The following SHANK2 variants were observed in gnomAD, a reference collection of about 807,000 sequenced individuals.
SHANK2 encodes the protein SH3 and multiple ankyrin repeat domains protein 2.
In SHANK2, 43 loss-of-function variants were observed where a neutral mutation model predicts 133.7. The ratio of observed to expected loss-of-function variants is 0.32; its 90% CI spans 0.25 to 0.41. The LOEUF is 0.41. Among genes scored for constraint, SHANK2 ranks in the 10% least tolerant of loss-of-function variants. The pLI is 1.00. For synonymous variants in SHANK2, 1,017 were observed against 952.8 expected, an observed-to-expected ratio of 1.07 and a Z score of -1.24; for missense variants, 1,994 against 2,235.8, an observed-to-expected ratio of 0.89 and a Z score of 2.18.
At chr11:70,929,442 G>T (rs1301887170) in intron 10 of SHANK2, among the ~76,000 whole-genome samples, 1 of 152,208 alleles carries the variant, frequency 6.6e-6, no homozygotes, top group African/African-American at 2.4e-5. Context: ...CTGAAATAAA[G>T]GTGTGCTGTC....
At chr11:71,227,515 A>G (rs1270882094) in intron 1 of SHANK2, among the ~76,000 whole-genome samples, 1 of 152,174 alleles carries the variant, frequency 6.6e-6, no homozygotes, top group Non-Finnish European at 1.5e-5. Flanking sequence ...CCAAGAAGAC[A>G]TAGTTATTCT....
intron 17 of SHANK2, among the ~76,000 whole-genome samples, chr11:70,551,131 A>G (rs1397503571): frequency 6.6e-6 from 1 of 151,672 alleles, no homozygotes; most frequent in African/African-American, 2.4e-5. Flanking sequence ...GCATTTTCAC[A>G]TGTGCTCACT....
rs4132534 is a variant in SHANK2 at position 70,951,876 on chromosome 11, C to T, written c.1108-55309G>A. Reference sequence around the variant, plus strand: ...AATCTTGGCCTCCATCTTCACGTGGCGTTCTAACCCTTGTGTGTCTGTCTC... The same window carrying T: ...AATCTTGGCCTCCATCTTCACGTGGTGTTCTAACCCTTGTGTGTCTGTCTC... On this transcript the variant is annotated intron_variant, in intron 10 of 25. Transcript: ENST00000601538. 4.1e-3 allele frequency among the ~76,000 whole-genome samples: 627 copies of T among 152,342 alleles called. 2 individuals are homozygous for T. Among genetic ancestry groups the T allele is most frequent in the African/African-American group, 0.015 (606 of 41,578 alleles).
At chr11:71,152,890 A>G (rs1251894085) in intron 2 of SHANK2, among the ~76,000 whole-genome samples, 1 of 152,048 alleles carries the variant, frequency 6.6e-6, no homozygotes, top group African/African-American at 2.4e-5. Flanking sequence ...GAAAACATTT[A>G]ATTATTAACT....
In SHANK2 at chr11:71,252,499, G is replaced by A. The variant is rs1948202475; in HGVS notation, c.-187C>T. ...TCCGCGCACACCTGGATCGGCCGCG[G>A]GAACCCGAGCGGCGCCGCGCCCAGC... On this transcript the variant is annotated 5_prime_UTR_variant, in exon 1 of 26. Transcript: ENST00000601538. The surrounding 1 kb of genome is among the most constrained non-coding windows in gnomAD (Gnocchi z 6.3). 6.6e-6 allele frequency: 1 copy of A among 151,218 alleles called. No individual in the cohort carries two copies. Among genetic ancestry groups the A allele is most frequent in the African/African-American group, 2.4e-5 (1 of 41,330 alleles). 9.4% of individuals were successfully genotyped at this position (151,218 alleles called of 1,614,324 possible).
intron 11 of SHANK2, chr11:70,864,226 T>C (rs1555068570): frequency 5.9e-6 from 1 of 170,438 alleles, no homozygotes; most frequent in African/African-American, 2.4e-5. Flanking sequence ...TGGGATGCTC[T>C]GCTATTTGCA....
Position 70,561,868 on chromosome 11 carries a change from G to T in SHANK2, c.2062-58937C>A, listed in dbSNP as rs544193112. ...GTTTTAATTTGCTCTTTTCCTTTTA[G>T]CTTCTAAAGGTAGAAGCTGAAGCAG... is the stretch of plus-strand genomic sequence containing the variant. On this transcript the variant is annotated intron_variant, in intron 17 of 25. Transcript: ENST00000601538. Among the ~76,000 whole-genome samples the T allele has an allele frequency of 3.3e-5, 5 of 152,162 alleles. No homozygotes were observed. In the South Asian group the frequency reaches 6.2e-4, roughly 19 times the overall value.
At chr11:70,875,911 C>A (rs1555071142) in intron 11 of SHANK2, among the ~76,000 whole-genome samples, 1 of 150,334 alleles carries the variant, frequency 6.7e-6, no homozygotes, top group African/African-American at 2.5e-5. Context: ...AATCCAAGCA[C>A]TTTGGGAGCC....
chr11:70,792,767 T>C (rs190096269), intron 14 of SHANK2, among the ~76,000 whole-genome samples: 2 of 152,092 alleles, frequency 1.3e-5, no homozygotes, highest in East Asian at 1.9e-4. Flanking sequence ...ATATCCAAAG[T>C]CTTCTAATTT....
At chr11:70,770,386 CCG>C (rs1947222894) in intron 14 of SHANK2, among the ~76,000 whole-genome samples, 1 of 152,222 alleles carries the variant, frequency 6.6e-6, no homozygotes, top group African/African-American at 2.4e-5. Flanking sequence ...CTCTGCTCAT[CCG>C]CCTGGGTGGG....
intron 17 of SHANK2, among the ~76,000 whole-genome samples, chr11:70,636,806 A>G (rs2061106124): frequency 6.6e-6 from 1 of 151,928 alleles, no homozygotes; most frequent in African/African-American, 2.4e-5. Context: ...GTGTGTGAAC[A>G]TGTGTGTGGG....
chr11:70,812,674 C>T (rs1255006982), intron 12 of SHANK2, among the ~76,000 whole-genome samples: 2 of 152,238 alleles, frequency 1.3e-5, no homozygotes, highest in Non-Finnish European at 2.9e-5. Context: ...GAAGCCAGAC[C>T]TCTGCAGCCC....
At chr11:71,153,786 A>T (rs537838305) in intron 2 of SHANK2, among the ~76,000 whole-genome samples, 1 of 152,148 alleles carries the variant, frequency 6.6e-6, no homozygotes, top group African/African-American at 2.4e-5. Context: ...GCCGGTCAAC[A>T]TGGTAAAACC....
At chr11:70,775,927 A>G (rs1400252159) in intron 14 of SHANK2, among the ~76,000 whole-genome samples, 1 of 152,240 alleles carries the variant, frequency 6.6e-6, no homozygotes, top group African/African-American at 2.4e-5. Flanking sequence ...TCAATAACAG[A>G]GCACCATATG....
chr11:71,125,415 T>A (rs1389721830), intron 3 of SHANK2, among the ~76,000 whole-genome samples: 1 of 152,212 alleles, frequency 6.6e-6, no homozygotes, highest in Non-Finnish European at 1.5e-5. Flanking sequence ...CAGGCCTTAG[T>A]GCTGACAGGG....
At chr11:70,614,173 C>A (rs2060705310) in intron 17 of SHANK2, among the ~76,000 whole-genome samples, 1 of 152,190 alleles carries the variant, frequency 6.6e-6, no homozygotes, top group Middle Eastern at 3.2e-3. Context: ...AGTGTCAGCA[C>A]CACCAGAAGC....
At chr11:70,476,396 C>CA (rs59963299) in intron 25 of SHANK2, among the ~76,000 whole-genome samples, 2 of 66,292 alleles carry the variant, frequency 3.0e-5, no homozygotes, top group East Asian at 3.6e-3. Flanking sequence ...AAACCTGCAA[C>CA]CCCCCCTTCT....
intron 14 of SHANK2, among the ~76,000 whole-genome samples, chr11:70,757,131 A>G (rs117448575): frequency 6.6e-6 from 1 of 152,318 alleles, no homozygotes; most frequent in African/African-American, 2.4e-5. Flanking sequence ...CCTTTAGTAG[A>G]CAAGTATCTA....
At chr11:70,749,825 T>G (rs1271384643) in intron 14 of SHANK2, among the ~76,000 whole-genome samples, 1 of 150,540 alleles carries the variant, frequency 6.6e-6, no homozygotes, top group Non-Finnish European at 1.5e-5. Flanking sequence ...AAAAAAAGAC[T>G]GAAAAAAAAA....
Sources: allele counts gnomAD v4.1 joint callset (sites outside exome capture counted in the v4.1 genomes callset), GRCh38; gene constraint gnomAD v4.1.1; non-coding constraint Gnocchi (gnomAD v3.1); transcripts MANE v1.5; gene names NCBI Gene and HGNC (gene_info 2026-07-23, HGNC 2026-07-21).